RERG: variants seen among roughly 807,000 people sequenced by gnomAD.
The protein encoded by RERG is RAS like estrogen regulated growth inhibitor.
Under a neutral mutation model 23.2 loss-of-function variants are expected in RERG, and 25 were observed. The observed-to-expected ratio is 1.08, with a 90% CI of 0.79 to 1.50. The LOEUF is 1.50. Among genes scored for constraint, RERG ranks in the 40% most tolerant of loss-of-function variants. RERG has a pLI of 0.00. For missense variants in RERG, 253 were observed against 250.1 expected (o/e 1.01, Z -0.08); for synonymous variants, 81 against 89.1 (o/e 0.91, Z 0.51).
intron 2 of RERG, among the ~76,000 whole-genome samples, chr12:15,131,738 C>A (rs1164701654): frequency 1.3e-5 from 2 of 152,130 alleles, no homozygotes; most frequent in African/African-American, 4.8e-5. Flanking sequence ...TCATCATGTC[C>A]TTTTCTCTAG....
At chr12:15,120,363 C>T (rs2136087897) in intron 3 of RERG, among the ~76,000 whole-genome samples, 1 of 152,088 alleles carries the variant, frequency 6.6e-6, no homozygotes, top group Admixed American at 6.6e-5. Context: ...CTTTAGCACC[C>T]AGAACACTTT....
At chr12:15,218,687 T>C (rs1316136772) in intron 1 of RERG, among the ~76,000 whole-genome samples, 1 of 152,004 alleles carries the variant, frequency 6.6e-6, no homozygotes. Context: ...ACTTTTTCTT[T>C]CACTCAGAAC....
intron 2 of RERG, among the ~76,000 whole-genome samples, chr12:15,214,235 C>T (rs148090374): frequency 6.6e-6 from 1 of 152,278 alleles, no homozygotes; most frequent in East Asian, 1.9e-4. Context: ...CATGTAACAA[C>T]TCATTCAATC....
intron 2 of RERG, among the ~76,000 whole-genome samples, chr12:15,196,881 G>T (rs1591666735): frequency 6.6e-6 from 1 of 152,118 alleles, no homozygotes; most frequent in Non-Finnish European, 1.5e-5. Flanking sequence ...TCGTAGGTGA[G>T]AATGAGAAGA....
chr12:15,128,436 A>T (rs1053615217), intron 2 of RERG, among the ~76,000 whole-genome samples: 1 of 80,522 alleles, frequency 1.2e-5, no homozygotes, highest in South Asian at 3.5e-4. Flanking sequence ...CATACCAGGA[A>T]CCATTTTTAG....
At chr12:15,186,364 A>C (rs1378559360) in intron 2 of RERG, among the ~76,000 whole-genome samples, 1 of 152,110 alleles carries the variant, frequency 6.6e-6, no homozygotes, top group Non-Finnish European at 1.5e-5. Context: ...CTCCAGTCAA[A>C]GATTAACCTT....
rs1863536128 is a variant in RERG, at chr12:15,108,337, T to C, written c.*773A>G. The C allele has an allele frequency of 6.6e-6, 1 of 152,362 alleles. No homozygotes were observed. The highest frequency in any genetic ancestry group is 1.5e-5 in the Non-Finnish European group (1 of 68,024). 9.4% of individuals were successfully genotyped at this position (152,362 alleles called of 1,614,324 possible). On this transcript the variant is annotated 3_prime_UTR_variant, in exon 5 of 5. Coordinates refer to ENST00000256953, the MANE Select transcript of RERG (RefSeq NM_032918.3). ...TCTAATTCTACATCTTCTACTAGCA[T>C]TCAATAAAGTCAGGGTTTGGTGAAA... is the stretch of plus-strand genomic sequence containing the variant.
At chr12:15,161,274 T>C (rs183502933) in intron 2 of RERG, among the ~76,000 whole-genome samples, 6 of 151,922 alleles carry the variant, frequency 3.9e-5, no homozygotes, top group African/African-American at 1.4e-4. Flanking sequence ...ACAAATAAAG[T>C]AATAAAGTAG....
chr12:15,181,024 C>G (rs1245237578), intron 2 of RERG, among the ~76,000 whole-genome samples: 1 of 152,208 alleles, frequency 6.6e-6, no homozygotes, highest in Non-Finnish European at 1.5e-5. Flanking sequence ...CACCCCCTCC[C>G]CTCGCTGGGG....
intron 2 of RERG, among the ~76,000 whole-genome samples, chr12:15,196,151 T>C (rs1337270546): frequency 6.6e-6 from 1 of 152,162 alleles, no homozygotes; most frequent in Admixed American, 6.6e-5. Flanking sequence ...GGGTAAGCTC[T>C]GCCTGGTCAA....
At chr12:15,190,203 C>T (rs1865050208) in intron 2 of RERG, among the ~76,000 whole-genome samples, 1 of 152,100 alleles carries the variant, frequency 6.6e-6, no homozygotes, top group Non-Finnish European at 1.5e-5. Flanking sequence ...ACAACAGGTC[C>T]TCAGGGTTCC....
chr12:15,184,588 A>G (rs1214043908), intron 2 of RERG, among the ~76,000 whole-genome samples: 2 of 152,198 alleles, frequency 1.3e-5, no homozygotes, highest in African/African-American at 4.8e-5. Context: ...GATCCGGATC[A>G]TTATTACAGG....
chr12:15,139,000 C>A, intron 2 of RERG, among the ~76,000 whole-genome samples: 2 of 135,714 alleles, frequency 1.5e-5, no homozygotes, highest in Non-Finnish European at 1.6e-5. Context: ...GAAAGTTGTT[C>A]ACCTGTGTCT....
intron 2 of RERG, among the ~76,000 whole-genome samples, chr12:15,175,668 C>A (rs982251171): frequency 3.9e-5 from 6 of 152,068 alleles, no homozygotes; most frequent in African/African-American, 1.4e-4. Flanking sequence ...GTAATTACCA[C>A]TAATTGTTTT....
chr12:15,162,593 T>G (rs985438307), intron 2 of RERG, among the ~76,000 whole-genome samples: 5 of 152,158 alleles, frequency 3.3e-5, no homozygotes, highest in African/African-American at 1.2e-4. Context: ...CTACAATGGG[T>G]GGGAGTATTG....
At chr12:15,166,526 G>GTGGTGA (rs1225018845) in intron 2 of RERG, among the ~76,000 whole-genome samples, 4 of 151,222 alleles carry the variant, frequency 2.6e-5, no homozygotes, top group African/African-American at 9.7e-5. Context: ...GGTGGTGATG[G>GTGGTGA]TGGTGGTGGT....
intron 3 of RERG, among the ~76,000 whole-genome samples, chr12:15,115,324 A>G (rs1863700257): frequency 6.6e-6 from 1 of 152,174 alleles, no homozygotes; most frequent in South Asian, 2.1e-4. Context: ...AGATTAAATA[A>G]CTTGCCCAAG....
chr12:15,115,143 T>C (rs1379378355), intron 3 of RERG, among the ~76,000 whole-genome samples: 2 of 151,886 alleles, frequency 1.3e-5, no homozygotes, highest in Admixed American at 6.6e-5. Flanking sequence ...AAAATATATA[T>C]ACACAGAACA....
At chr12:15,154,881 C>A (rs1864499304) in intron 2 of RERG, among the ~76,000 whole-genome samples, 1 of 152,092 alleles carries the variant, frequency 6.6e-6, no homozygotes, top group Non-Finnish European at 1.5e-5. Flanking sequence ...GATGGAGGAG[C>A]TTCAGAATAG....
Sources: allele counts gnomAD v4.1 joint callset (sites outside exome capture counted in the v4.1 genomes callset), GRCh38; gene constraint gnomAD v4.1.1; transcripts MANE v1.5; gene names NCBI Gene and HGNC (gene_info 2026-07-23, HGNC 2026-07-21).